The following SEC14L4 variants were observed in gnomAD, a reference collection of about 807,000 sequenced individuals.
The protein encoded by SEC14L4 is SEC14-like protein 4.
In SEC14L4, 42 loss-of-function variants were observed where a neutral mutation model predicts 55.1. The observed-to-expected ratio is 0.76, with a 90% CI of 0.60 to 0.99. SEC14L4 has a LOEUF of 0.99. Among genes scored for constraint, SEC14L4 ranks in the 50% least tolerant of loss-of-function variants. The pLI is 0.00. For synonymous variants in SEC14L4, 206 were observed against 206.8 expected (o/e 1.00, Z 0.03); for missense variants, 445 against 512.1 (o/e 0.87, Z 1.27).
chr22:30,500,744 T>C (rs567348605), intron 2 of SEC14L4, among the ~76,000 whole-genome samples: 2 of 140,658 alleles, frequency 1.4e-5, no homozygotes, highest in Admixed American at 1.5e-4. Flanking sequence ...TCATGGGATA[T>C]GAGAACAGAA....
In SEC14L4 at chr22:30,491,749, T is replaced by C; in HGVS notation, c.912-7A>G. The C allele has an allele frequency of 6.2e-7, 1 of 1,613,966 alleles. No individual in the cohort carries two copies. Among genetic ancestry groups the C allele is most frequent in the Non-Finnish European group, 8.5e-7 (1 of 1,179,900 alleles). On this transcript the variant is annotated splice_region_variant and splice_polypyrimidine_tract_variant and intron_variant, in intron 10 of 11. Coordinates refer to ENST00000255858, the MANE Select transcript of SEC14L4 (RefSeq NM_174977.4). The stretch of plus-strand genomic sequence containing the variant: ...ATCTGAAGCAAACTGCCACCTGCAG[T>C]GGATAGAGCCCCATTGGCGACCCCC...
At chr22:30,499,478 CT>C (rs1379573675) in intron 2 of SEC14L4, among the ~76,000 whole-genome samples, 1 of 151,750 alleles carries the variant, frequency 6.6e-6, no homozygotes, top group Non-Finnish European at 1.5e-5. Context: ...TGGCTCCTGC[CT>C]GTAATCCCAG....
chr22:30,492,946 T>C (rs1936012295), intron 7 of SEC14L4: 1 of 203,820 alleles, frequency 4.9e-6, no homozygotes, highest in Non-Finnish European at 1.0e-5. Flanking sequence ...TAGCTGAGCG[T>C]AGTGGTGCAT....
rs778957989 is a variant in SEC14L4 at position 30,505,631 on chromosome 22, A to C, written c.-20T>G. On this transcript the variant is annotated 5_prime_UTR_variant, in exon 1 of 12. Coordinates refer to ENST00000255858, the MANE Select transcript of SEC14L4 (RefSeq NM_174977.4). The stretch of plus-strand genomic sequence containing the variant: ...GCTCATGGTGCCCGCGGGCGCAGAA[A>C]GGCTCAGGGCGCAGGTCCGCCCGCC... 5.1e-5 allele frequency: 78 copies of C among 1,544,328 alleles called. No homozygotes were observed. Among genetic ancestry groups the C allele is most frequent in the Non-Finnish European group, 6.6e-5 (76 of 1,150,150 alleles).
chr22:30,503,579 T>G (rs1302461259), intron 2 of SEC14L4, 98 bp downstream of exon 2: 1 of 821,600 alleles, frequency 1.2e-6, no homozygotes, highest in Non-Finnish European at 1.9e-6. Context: ...TGTTCTTTAC[T>G]ACCCTACAGC....
intron 2 of SEC14L4, among the ~76,000 whole-genome samples, chr22:30,500,497 G>C (rs993039258): frequency 2.0e-5 from 3 of 152,020 alleles, no homozygotes; most frequent in Non-Finnish European, 2.9e-5. Context: ...CTCCCGAATA[G>C]CTGGAACTAC....
chr22:30,504,142 G>A (rs777397785), intron 1 of SEC14L4, among the ~76,000 whole-genome samples: 40 of 151,318 alleles, frequency 2.6e-4, no homozygotes, highest in South Asian at 4.2e-4. Flanking sequence ...ACTGCAACCC[G>A]TGCCTCCCGG....
At chr22:30,499,330 G>C (rs1209763767) in intron 2 of SEC14L4, among the ~76,000 whole-genome samples, 1 of 150,960 alleles carries the variant, frequency 6.6e-6, no homozygotes, top group Non-Finnish European at 1.5e-5. Flanking sequence ...TGATCCGCCT[G>C]CTTCGGCCTC....
At chr22:30,492,380 C>G in intron 8 of SEC14L4, 94 bp downstream of exon 8, 1 of 1,278,076 alleles carries the variant, frequency 7.8e-7, no homozygotes, top group Non-Finnish European at 1.1e-6. Flanking sequence ...GGGGTAGTGC[C>G]CGAGTAGAGG....
chr22:30,498,092 G>A (rs953552213), intron 2 of SEC14L4, among the ~76,000 whole-genome samples: 1 of 145,598 alleles, frequency 6.9e-6, no homozygotes, highest in African/African-American at 2.5e-5. Flanking sequence ...GGGCTTTGTT[G>A]CTGTTTTGAA....
At chr22:30,503,818 C>T (rs1568951036) in intron 1 of SEC14L4, 66 bp from the exon 2 acceptor site, 1 of 1,253,504 alleles carries the variant, frequency 8.0e-7, no homozygotes, top group Non-Finnish European at 1.2e-6. Context: ...AACCCCGCCC[C>T]TAACCCTTCC....
chr22:30,501,505 A>G (rs1006978999), intron 2 of SEC14L4, among the ~76,000 whole-genome samples: 2 of 152,174 alleles, frequency 1.3e-5, no homozygotes, highest in Non-Finnish European at 2.9e-5. Flanking sequence ...GCTGGGGGCA[A>G]TGACATATTT....
rs1936003478 is a variant in SEC14L4 at position 30,492,634 on chromosome 22, G to T, written c.581-77C>A. 7.0e-6 allele frequency: 8 copies of T among 1,150,576 alleles called. 1 individual carries two copies. The South Asian group carries it at 7.5e-5, about 11-fold the overall frequency. The allele number at this position is 1,150,576 out of a possible 1,614,324, so 71.3% of individuals were successfully genotyped here. A position where few individuals can be genotyped will look rare whatever the true frequency, so the allele number is the denominator to read the frequency against. On this transcript the variant is annotated intron_variant, in intron 7 of 11. Transcript: ENST00000255858. ...TACAGAGCCACAGCCAAGAGCAGGT[G>T]CTGGACAGGAGGTGGACAGATATGG... is the stretch of plus-strand genomic sequence containing the variant.
chr22:30,492,233 G>A, intron 8 of SEC14L4, 78 bp from the exon 9 acceptor site: 1 of 1,528,340 alleles, frequency 6.5e-7, no homozygotes, highest in South Asian at 1.2e-5. Context: ...GCTTGGTGAG[G>A]GAACCTGATA....
intron 2 of SEC14L4, among the ~76,000 whole-genome samples, chr22:30,503,275 T>G (rs568009022): frequency 4.6e-5 from 7 of 152,050 alleles, no homozygotes; most frequent in African/African-American, 1.2e-4. Flanking sequence ...TTTGTTTTTT[T>G]TTTTTTGAGA....
chr22:30,489,748 G>T lies in SEC14L4; in HGVS notation c.*359C>A. 1 of 992,902 alleles carries T rather than the reference G, an allele frequency of 1.0e-6. No individual in the cohort carries two copies. The highest frequency in any genetic ancestry group is 1.6e-6 in the Non-Finnish European group (1 of 639,732). The allele number at this position is 992,902 out of a possible 1,614,324, so 61.5% of individuals were successfully genotyped here. On this transcript the variant is annotated 3_prime_UTR_variant, in exon 12 of 12. Transcript: ENST00000255858. Reference sequence around the variant, plus strand: ...GGAACCACGCACACCCCCTGAAGCTGGAACACCAGGCATGGGTGAGTCCTG... The same window carrying T: ...GGAACCACGCACACCCCCTGAAGCTTGAACACCAGGCATGGGTGAGTCCTG...
intron 2 of SEC14L4, 115 bp from the exon 3 acceptor site, chr22:30,496,086 A>C: frequency 1.4e-6 from 1 of 718,274 alleles, no homozygotes; most frequent in Non-Finnish European, 2.4e-6. Flanking sequence ...CACCCCAATA[A>C]TACATTGAAC....
intron 1 of SEC14L4, 26 bp downstream of exon 1, chr22:30,505,532 G>T: frequency 6.4e-7 from 1 of 1,554,944 alleles, no homozygotes. Context: ...CCCTCCTCAA[G>T]CCTCCCAGCC....
At chr22:30,495,482 C>T in intron 4 of SEC14L4, 40 bp from the exon 5 acceptor site, 1 of 1,607,242 alleles carries the variant, frequency 6.2e-7, no homozygotes, top group Non-Finnish European at 8.5e-7. Flanking sequence ...TCCAGCTCAC[C>T]AGGCTGGGTC....
Sources: gnomAD v4.1 joint callset for allele counts (sites outside exome capture counted in the v4.1 genomes callset) on GRCh38, gnomAD v4.1.1 for gene constraint, MANE v1.5 for transcripts, NCBI Gene and HGNC (gene_info 2026-07-23, HGNC 2026-07-21) for gene names.